The following BABAM2 variants were observed in gnomAD, a reference collection of about 807,000 sequenced individuals.
The protein encoded by BABAM2 is BRISC and BRCA1-A complex member 2.
BABAM2 carries 31 observed loss-of-function variants against 54.7 expected under a neutral mutation model. That is an observed-to-expected ratio of 0.57 (90% CI 0.43 to 0.77). The LOEUF is 0.77. Among genes scored for constraint, BABAM2 ranks in the 30% least tolerant of loss-of-function variants. The pLI is 0.00. For synonymous variants in BABAM2, 167 were observed against 162.9 expected (o/e 1.03, Z -0.19); for missense variants, 364 against 455.8 (o/e 0.80, Z 1.83).
intron 7 of BABAM2, among the ~76,000 whole-genome samples, chr2:28,174,193 T>G (rs1280739862): frequency 6.6e-6 from 1 of 152,196 alleles, no homozygotes; most frequent in African/African-American, 2.4e-5. Context: ...AAATGTAGCT[T>G]TCTGTAGGAC....
chr2:28,147,268 T>C (rs1443567850), intron 7 of BABAM2, among the ~76,000 whole-genome samples: 1 of 152,216 alleles, frequency 6.6e-6, no homozygotes, highest in Non-Finnish European at 1.5e-5. Context: ...AGTTGCTTCC[T>C]TCTTCATTTT....
At chr2:28,318,412 A>C (rs914941907) in intron 11 of BABAM2, among the ~76,000 whole-genome samples, 7 of 152,256 alleles carry the variant, frequency 4.6e-5, no homozygotes, top group African/African-American at 1.7e-4. Context: ...AATAGAATAC[A>C]GGTATGGTCT....
At chr2:28,216,225 C>T (rs1679905639) in intron 7 of BABAM2, among the ~76,000 whole-genome samples, 1 of 152,276 alleles carries the variant, frequency 6.6e-6, no homozygotes, top group South Asian at 2.1e-4. Context: ...TGCAAATGTA[C>T]AGTATTTCTG....
intron 11 of BABAM2, among the ~76,000 whole-genome samples, chr2:28,299,014 AT>A (rs1267748548): frequency 6.6e-6 from 1 of 152,106 alleles, no homozygotes; most frequent in Non-Finnish European, 1.5e-5. Context: ...TAAACAAACA[AT>A]TTTTGCTTAG....
chr2:28,064,188 A>T (rs1431078128), intron 6 of BABAM2, among the ~76,000 whole-genome samples: 1 of 152,134 alleles, frequency 6.6e-6, no homozygotes, highest in Non-Finnish European at 1.5e-5. Flanking sequence ...AACAAATCTC[A>T]CCTCCCTTTC....
intron 7 of BABAM2, among the ~76,000 whole-genome samples, chr2:28,219,915 G>A (rs1458411172): frequency 1.3e-5 from 2 of 152,158 alleles, no homozygotes; most frequent in African/African-American, 4.8e-5. Context: ...ACTTTGGTGA[G>A]AAAAATCAGG....
chr2:28,021,770 A>T (rs1675285435), intron 4 of BABAM2, among the ~76,000 whole-genome samples: 1 of 151,986 alleles, frequency 6.6e-6, no homozygotes, highest in Admixed American at 6.6e-5. Context: ...TCATTAAATA[A>T]TTTTTTTCCC....
intron 4 of BABAM2, chr2:28,016,316 T>C: frequency 9.3e-7 from 1 of 1,071,298 alleles, no homozygotes; most frequent in Admixed American, 1.8e-5. Context: ...AACCAAACTC[T>C]TGGAGCCTTT....
At chr2:28,184,303 CCT>C (rs1573780144) in intron 7 of BABAM2, among the ~76,000 whole-genome samples, 3 of 113,726 alleles carry the variant, frequency 2.6e-5, no homozygotes, top group Non-Finnish European at 5.4e-5. Flanking sequence ...TCCCTCTCTC[CCT>C]CTCTCTCTCT....
chr2:27,981,408 C>T (rs893407325), intron 3 of BABAM2, among the ~76,000 whole-genome samples: 1 of 152,038 alleles, frequency 6.6e-6, no homozygotes, highest in Non-Finnish European at 1.5e-5. Context: ...AATTCAGTGG[C>T]TTTTTACAAA....
intron 4 of BABAM2, among the ~76,000 whole-genome samples, chr2:27,989,797 C>CT (rs1377844916): frequency 2.6e-5 from 4 of 151,106 alleles, no homozygotes; most frequent in African/African-American, 9.7e-5. Context: ...TTTACAACTT[C>CT]TTTTTTTTTG....
chr2:28,034,499 T>C (rs1676520126), intron 5 of BABAM2, among the ~76,000 whole-genome samples: 1 of 152,306 alleles, frequency 6.6e-6, no homozygotes, highest in South Asian at 2.1e-4. Flanking sequence ...GCTTCAATGA[T>C]TGTTCCTGTA....
chr2:28,167,127 G>T (rs1348750258), intron 7 of BABAM2, among the ~76,000 whole-genome samples: 2 of 152,152 alleles, frequency 1.3e-5, no homozygotes, highest in Non-Finnish European at 2.9e-5. Context: ...GCAGCTAATA[G>T]AATCTCACTT....
At chr2:28,018,197 C>T (rs1188068713) in intron 4 of BABAM2, among the ~76,000 whole-genome samples, 2 of 152,130 alleles carry the variant, frequency 1.3e-5, no homozygotes, top group Non-Finnish European at 1.5e-5. Flanking sequence ...CCTTTGTGTC[C>T]TCATTCTTAT....
intron 6 of BABAM2, among the ~76,000 whole-genome samples, chr2:28,128,871 AAGGT>A (rs67912543): frequency 0.074 from 11,214 of 152,220 alleles, 450 homozygotes; most frequent in East Asian, 0.15. Flanking sequence ...ACATACTGTC[AAGGT>A]AGGTGTAAGA....
At chr2:28,170,560 T>G (rs1183668224) in intron 7 of BABAM2, among the ~76,000 whole-genome samples, 1 of 152,066 alleles carries the variant, frequency 6.6e-6, no homozygotes, top group African/African-American at 2.4e-5. Flanking sequence ...AAAGAAAAAT[T>G]AAATATAAGA....
At chr2:28,211,393 T>TTTTTTTTC (rs1679439635) in intron 7 of BABAM2, among the ~76,000 whole-genome samples, 1 of 139,798 alleles carries the variant, frequency 7.2e-6, no homozygotes, top group East Asian at 2.1e-4. Context: ...TATCTTTTTT[T>TTTTTTTTC]TTTTTTTTTT....
intron 2 of BABAM2, among the ~76,000 whole-genome samples, chr2:27,903,098 C>G (rs180708862): frequency 4.1e-4 from 62 of 151,466 alleles, no homozygotes; most frequent in African/African-American, 1.5e-3. Flanking sequence ...CCCCCACCCC[C>G]CCCACCGTAT....
intron 2 of BABAM2, among the ~76,000 whole-genome samples, chr2:27,917,576 T>C (rs1041185944): frequency 6.6e-6 from 1 of 152,062 alleles, no homozygotes; most frequent in African/African-American, 2.4e-5. Flanking sequence ...AGGACGCTAA[T>C]CCTATTTATG....
Sources: allele counts gnomAD v4.1 joint callset (sites outside exome capture counted in the v4.1 genomes callset), GRCh38; gene constraint gnomAD v4.1.1; transcripts MANE v1.5; gene names NCBI Gene and HGNC (gene_info 2026-07-23, HGNC 2026-07-21).